HEPHL1: variants seen among roughly 807,000 people sequenced by gnomAD.
HEPHL1 encodes the protein hephaestin like 1, also known as ferroxidase HEPHL1.
Under a neutral mutation model 122.0 loss-of-function variants are expected in HEPHL1, and 123 were observed. The ratio of observed to expected loss-of-function variants is 1.01; its 90% CI spans 0.87 to 1.17. The LOEUF is 1.17. Ranked by LOEUF, HEPHL1 falls within the 50% of genes most tolerant of loss-of-function variation. The probability of loss-of-function intolerance (pLI) is 0.00; values close to 1 mark genes in which losing one functional copy is unlikely to be tolerated. For missense variants in HEPHL1, 1,452 were observed against 1,430.5 expected (o/e 1.01, Z -0.24); for synonymous variants, 527 against 508.9 (o/e 1.04, Z -0.48).
chr11:94,097,642 G>T (rs1398449567), intron 13 of HEPHL1, among the ~76,000 whole-genome samples: 1 of 152,090 alleles, frequency 6.6e-6, no homozygotes, highest in Non-Finnish European at 1.5e-5. Flanking sequence ...TTATTATTGT[G>T]TGGGAGTCTA....
At chr11:94,109,630 G>A (rs367910372) in intron 17 of HEPHL1, among the ~76,000 whole-genome samples, 1 of 152,056 alleles carries the variant, frequency 6.6e-6, no homozygotes, top group Non-Finnish European at 1.5e-5. Flanking sequence ...TTAATCTGTT[G>A]CTGAATTACA....
intron 13 of HEPHL1, among the ~76,000 whole-genome samples, chr11:94,094,521 G>C (rs1012474099): frequency 3.3e-5 from 5 of 152,130 alleles, no homozygotes; most frequent in Non-Finnish European, 7.3e-5. Context: ...TCCAGTAATG[G>C]GATAGCTGGG....
In HEPHL1 at chr11:94,111,007, T is replaced by C. The variant is rs774870378; in HGVS notation, c.3150T>C (p.His1050=). ...DHPGTWLLHC[H]VSDHIHAGME... ...CAGGGACATGGCTGCTACACTGTCA[T>C]GTGTCTGACCACATCCATGCTGGCA... Residue 1050 remains histidine, a synonymous_variant, in exon 18 of 20, where the codon CAT becomes CAC. Coordinates refer to ENST00000315765, the MANE Select transcript of HEPHL1 (RefSeq NM_001098672.2). 1.6e-5 allele frequency: 25 copies of C among 1,610,284 alleles called. No individual in the cohort carries two copies. The highest frequency in any genetic ancestry group is 2.0e-5 in the Non-Finnish European group (24 of 1,178,030).
Position 94,093,599 on chromosome 11 carries a change from T to G in HEPHL1, c.2393T>G (p.Ile798Ser). Reference sequence around the variant, plus strand: ...TATACGGATGGAGAATTTGTGGAGATCAAAGCCCGACCACCACGAGAGGAG... The same window carrying G: ...TATACGGATGGAGAATTTGTGGAGAGCAAAGCCCGACCACCACGAGAGGAG... ...REYTDGEFVE[I>S]KARPPREEHL... Residue 798 changes from isoleucine to serine, a missense_variant, in exon 13 of 20, where the codon ATC (isoleucine) becomes AGC (serine). By Grantham distance (142) the Ile-to-Ser change is moderately radical (BLOSUM62 -2). Transcript: ENST00000315765. 6.2e-7 allele frequency: 1 copy of G among 1,613,524 alleles called. No individual in the cohort carries two copies. Among genetic ancestry groups the G allele is most frequent in the Non-Finnish European group, 8.5e-7 (1 of 1,179,770 alleles).
chr11:94,033,785 G>C (rs913615386), intron 1 of HEPHL1, among the ~76,000 whole-genome samples: 6 of 152,166 alleles, frequency 3.9e-5, no homozygotes, highest in African/African-American at 1.4e-4. Flanking sequence ...CAGGCGAGTT[G>C]CTGGGGCTTA....
At chr11:94,068,039 T>C (rs1464097857) in intron 5 of HEPHL1, among the ~76,000 whole-genome samples, 2 of 152,176 alleles carry the variant, frequency 1.3e-5, no homozygotes, top group African/African-American at 4.8e-5. Flanking sequence ...ACAAAATGAA[T>C]ACGATTTAAG....
rs1591492558 is a variant in HEPHL1, at chr11:94,111,654, A to G, written c.3278-38A>G. ...AAATGAGTCAACATTTCACCCCTCA[A>G]AAATGTCAGGGGCCTGACAAGTTTA... On this transcript the variant is annotated intron_variant, in intron 19 of 19. Transcript: ENST00000315765. 3.1e-6 allele frequency: 5 copies of G among 1,611,630 alleles called. No homozygotes were observed. The East Asian group carries it at 1.1e-4, about 36-fold the overall frequency.
intron 4 of HEPHL1, among the ~76,000 whole-genome samples, chr11:94,067,212 C>T (rs144335893): frequency 2.4e-4 from 36 of 152,298 alleles, no homozygotes; most frequent in African/African-American, 8.4e-4. Flanking sequence ...ACTCTGTTTT[C>T]TCCTGACCTC....
intron 12 of HEPHL1, among the ~76,000 whole-genome samples, chr11:94,092,175 G>T (rs1039084330): frequency 3.3e-5 from 5 of 152,166 alleles, no homozygotes; most frequent in Non-Finnish European, 5.9e-5. Context: ...TCCCTCAATG[G>T]AAGGGGTGGG....
intron 6 of HEPHL1, among the ~76,000 whole-genome samples, chr11:94,070,979 C>T (rs1040377297): frequency 5.9e-5 from 9 of 152,116 alleles, no homozygotes; most frequent in African/African-American, 2.2e-4. Flanking sequence ...TAAGTTGTGT[C>T]CCCTTTATGT....
intron 13 of HEPHL1, among the ~76,000 whole-genome samples, chr11:94,099,590 G>A (rs918179539): frequency 8.5e-5 from 13 of 152,270 alleles, no homozygotes; most frequent in South Asian, 6.2e-4. Context: ...CCTTTTGTTC[G>A]GCTATGCCTT....
At chr11:94,058,296 T>A (rs1006779559) in intron 2 of HEPHL1, among the ~76,000 whole-genome samples, 4 of 152,178 alleles carry the variant, frequency 2.6e-5, no homozygotes. Context: ...TTTTTTTAAA[T>A]CAATTTTGTC....
intron 9 of HEPHL1, among the ~76,000 whole-genome samples, chr11:94,079,901 G>T (rs1946155593): frequency 6.6e-6 from 1 of 152,010 alleles, no homozygotes; most frequent in South Asian, 2.1e-4. Context: ...TTGAGGGATA[G>T]AAAGGATGGT....
Position 94,073,455 on chromosome 11 carries a change from G to A in HEPHL1, c.1504+16G>A, listed in dbSNP as rs1946095200. 1 of 1,551,430 alleles carries A rather than the reference G, an allele frequency of 6.4e-7. No homozygotes were observed. Among genetic ancestry groups the A allele is most frequent in the Admixed American group, 2.0e-5 (1 of 50,980 alleles). The stretch of plus-strand genomic sequence containing the variant: ...AACCTAGATGGTAAGTCTCACTCTG[G>A]GCTTAGGGAGGAAACAGGACGGGTG... On this transcript the variant is annotated intron_variant, in intron 8 of 19. Coordinates refer to ENST00000315765, the MANE Select transcript of HEPHL1 (RefSeq NM_001098672.2).
chr11:94,102,946 A>G lies in HEPHL1; in HGVS notation c.2608A>G (p.Lys870Glu). The change falls in exon 15 of 20, where the codon AAA becomes GAA. Residue 870 changes from lysine to glutamate, a missense_variant. Transcript: ENST00000315765. ...AAAAACTTATAGATGGAATATCCCT[A>G]AAAGATCCGGTCCAGGGCCTTCTGA... ...EVKTYRWNIP[K>E]RSGPGPSDPN... The G allele has an allele frequency of 3.7e-6, 6 of 1,605,670 alleles. No individual in the cohort carries two copies. Among genetic ancestry groups the G allele is most frequent in the Non-Finnish European group, 5.1e-6 (6 of 1,172,530 alleles).
At position 94,104,893 on chromosome 11, in the gene HEPHL1, C is replaced by T. The variant is rs1167777167; in HGVS notation, c.2905+143C>T. 15 of 668,896 alleles carry T rather than the reference C, an allele frequency of 2.2e-5. No individual in the cohort carries two copies. The Middle Eastern group carries it at 1.2e-3, about 55-fold the overall frequency. The allele number at this position is 668,896 out of a possible 1,614,324, so 41.4% of individuals were successfully genotyped here. A position where few individuals can be genotyped will look rare whatever the true frequency, so the allele number is the denominator to read the frequency against. ...ACTGAAGAAAGTCCTCTAATGCTTT[C>T]CTTCAGACTGAACCAGCCTAGCCAC... On this transcript the variant is annotated intron_variant, in intron 16 of 19. Transcript: ENST00000315765.
intron 9 of HEPHL1, among the ~76,000 whole-genome samples, chr11:94,079,305 C>T (rs907061118): frequency 6.6e-6 from 1 of 152,122 alleles, no homozygotes; most frequent in Non-Finnish European, 1.5e-5. Flanking sequence ...AGCATTAGAA[C>T]CTAGGTTTTT....
At chr11:94,081,545 C>T (rs1946170137) in intron 9 of HEPHL1, among the ~76,000 whole-genome samples, 1 of 152,162 alleles carries the variant, frequency 6.6e-6, no homozygotes, top group Non-Finnish European at 1.5e-5. Flanking sequence ...CAGATAGGCT[C>T]AAATAGACTG....
chr11:94,079,072 T>C (rs937745833), intron 9 of HEPHL1, among the ~76,000 whole-genome samples: 5 of 152,186 alleles, frequency 3.3e-5, no homozygotes, highest in African/African-American at 1.2e-4. Flanking sequence ...AATTGTTCAT[T>C]CTTCTACTAT....
Sources: gnomAD v4.1 joint callset for allele counts (sites outside exome capture counted in the v4.1 genomes callset) on GRCh38, gnomAD v4.1.1 for gene constraint, MANE v1.5 for transcripts, NCBI Gene and HGNC (gene_info 2026-07-23, HGNC 2026-07-21) for gene names.